The following SNW1 variants were observed in gnomAD, a reference collection of about 807,000 sequenced individuals.
SNW1 encodes the protein SNW domain-containing protein 1.
A neutral mutation model predicts 75.6 loss-of-function variants in SNW1; 9 were observed. That is an observed-to-expected ratio of 0.12 (90% CI 0.07 to 0.21). The LOEUF (loss-of-function observed/expected upper bound fraction) is 0.21. SNW1 is among the 10% of genes least tolerant of loss of function. SNW1 has a pLI of 1.00. For missense variants in SNW1, 409 were observed against 670.9 expected, an observed-to-expected ratio of 0.61 and a Z score of 4.31; for synonymous variants, 200 against 219.1, an observed-to-expected ratio of 0.91 and a Z score of 0.77.
At chr14:77,722,852 T>TC (rs2080553510) in intron 11 of SNW1, 1 of 416,154 alleles carries the variant, frequency 2.4e-6, no homozygotes, top group Non-Finnish European at 4.6e-6. Flanking sequence ...TTTTTTTTTT[T>TC]TTTTTTTTGT....
intron 10 of SNW1, among the ~76,000 whole-genome samples, chr14:77,725,399 T>C (rs563995704): frequency 6.6e-6 from 1 of 152,352 alleles, no homozygotes; most frequent in East Asian, 1.9e-4. Flanking sequence ...AAAAAATCTT[T>C]GTCCAGACCA....
intron 11 of SNW1, among the ~76,000 whole-genome samples, chr14:77,721,383 G>A (rs2080539542): frequency 6.6e-6 from 1 of 152,086 alleles, no homozygotes; most frequent in African/African-American, 2.4e-5. Flanking sequence ...ATGAAACCAT[G>A]GTAACTGTCA....
intron 1 of SNW1, 82 bp from the exon 2 acceptor site, chr14:77,755,202 A>AT: frequency 8.0e-7 from 1 of 1,250,208 alleles, no homozygotes; most frequent in South Asian, 1.4e-5. Context: ...CACAGAGACA[A>AT]TTTTTCCTAC....
chr14:77,748,914 CAATAT>C (rs1333027142), intron 3 of SNW1, among the ~76,000 whole-genome samples: 1 of 151,914 alleles, frequency 6.6e-6, no homozygotes, highest in African/African-American at 2.4e-5. Context: ...TTAAAAAAAT[CAATAT>C]AATAGTAAGA....
At chr14:77,752,461 T>C (rs1049925586) in intron 2 of SNW1, among the ~76,000 whole-genome samples, 1 of 152,228 alleles carries the variant, frequency 6.6e-6, no homozygotes, top group African/African-American at 2.4e-5. Flanking sequence ...TAGTATTTGC[T>C]TAGTACACTT....
intron 3 of SNW1, among the ~76,000 whole-genome samples, chr14:77,750,471 T>C (rs1421376761): frequency 6.6e-6 from 1 of 152,126 alleles, no homozygotes; most frequent in East Asian, 1.9e-4. Context: ...GATTGCATAA[T>C]TGTCTTCCCC....
At chr14:77,760,973 G>A in intron 1 of SNW1, 141 bp downstream of exon 1, 1 of 1,595,890 alleles carries the variant, frequency 6.3e-7, no homozygotes, top group South Asian at 1.1e-5. Flanking sequence ...GCGGCGGCCA[G>A]CGGGAGGGCG....
At chr14:77,736,064 A>G (rs986840530) in intron 6 of SNW1, 58 bp from the exon 7 acceptor site, 102 of 1,245,810 alleles carry the variant, frequency 8.2e-5, no homozygotes, top group Non-Finnish European at 1.1e-4. Flanking sequence ...TAGTCATCAT[A>G]TCAAGTCTCT....
At chr14:77,718,663 GTC>G in intron 12 of SNW1, 133 bp from the exon 13 acceptor site, 1 of 538,174 alleles carries the variant, frequency 1.9e-6, no homozygotes, top group East Asian at 3.0e-5. Flanking sequence ...AAATTAAAAA[GTC>G]TTCATTAAAA....
intron 8 of SNW1, among the ~76,000 whole-genome samples, chr14:77,733,552 C>CT (rs2080643884): frequency 6.6e-6 from 1 of 151,832 alleles, no homozygotes. Flanking sequence ...CAAGACCAGC[C>CT]TGGCAACATG....
rs2080504513 is a variant in SNW1 at position 77,718,120 on chromosome 14, C to T, written c.1579G>A (p.Glu527Lys). The T allele has an allele frequency of 1.9e-6, 3 of 1,602,316 alleles. No homozygotes were observed. The highest frequency in any genetic ancestry group is 1.7e-6 in the Non-Finnish European group (2 of 1,174,822). Residue 527 changes from glutamate (E) to lysine (K), a missense_variant, in exon 14 of 14, where the codon GAG becomes AAG. This residue lies in a region of SNW1 where 24 missense variants were observed against 31.0 expected (regional missense o/e 0.77). Transcript: ENST00000261531. ...PSDSSRPKEHEHEGKKRRKE is the reference protein window; with the variant it reads ...PSDSSRPKEHKHEGKKRRKE Reference sequence around the variant, plus strand: ...TTCCTCCTCTTCTTGCCTTCATGCTCGTGTTCCTTGGGGCGGCTGCTATCT... The same window carrying T: ...TTCCTCCTCTTCTTGCCTTCATGCTTGTGTTCCTTGGGGCGGCTGCTATCT...
chr14:77,736,876 G>A, intron 6 of SNW1, 95 bp downstream of exon 6: 3 of 852,636 alleles, frequency 3.5e-6, no homozygotes, highest in Non-Finnish European at 4.0e-6. Context: ...CATACTGTAT[G>A]TACTTGTTTT....
chr14:77,758,255 T>G (rs2080857928), intron 1 of SNW1, among the ~76,000 whole-genome samples: 1 of 137,032 alleles, frequency 7.3e-6, no homozygotes, highest in Non-Finnish European at 1.5e-5. Flanking sequence ...GAGGTGGAGT[T>G]TGTAGTGAGC....
chr14:77,760,855 C>T, intron 1 of SNW1: 1 of 782,794 alleles, frequency 1.3e-6, no homozygotes, highest in Admixed American at 2.0e-5. Flanking sequence ...CGCGAAAAAC[C>T]CACTCTTCAG....
At chr14:77,751,567 TCCTTA>T in intron 2 of SNW1, 87 bp from the exon 3 acceptor site, 3 of 1,064,760 alleles carry the variant, frequency 2.8e-6, no homozygotes, top group Middle Eastern at 2.1e-4. Context: ...AATTGTTGAG[TCCTTA>T]GTATGCTAGA....
At chr14:77,747,887 C>T (rs1159122566) in intron 3 of SNW1, among the ~76,000 whole-genome samples, 1 of 151,828 alleles carries the variant, frequency 6.6e-6, no homozygotes, top group Admixed American at 6.6e-5. Flanking sequence ...CCCCTCTGCC[C>T]AGAGGCCACC....
At chr14:77,754,737 G>T (rs1327733332) in intron 2 of SNW1, among the ~76,000 whole-genome samples, 1 of 151,966 alleles carries the variant, frequency 6.6e-6, no homozygotes, top group African/African-American at 2.4e-5. Context: ...TTTGATATAG[G>T]AATAGACAAA....
intron 3 of SNW1, 120 bp from the exon 4 acceptor site, chr14:77,739,181 TTC>T (rs1360882085): frequency 2.8e-6 from 2 of 721,308 alleles, no homozygotes; most frequent in African/African-American, 1.8e-5. Flanking sequence ...CACTCAGATT[TTC>T]TCTTTTAGAT....
intron 3 of SNW1, among the ~76,000 whole-genome samples, chr14:77,748,583 T>C (rs2080782825): frequency 6.6e-6 from 1 of 152,058 alleles, no homozygotes; most frequent in Non-Finnish European, 1.5e-5. Flanking sequence ...ATATATTATT[T>C]GTATAACTTT....
Sources: gnomAD v4.1 joint callset for allele counts (sites outside exome capture counted in the v4.1 genomes callset) on GRCh38, gnomAD v4.1.1 for gene constraint, gnomAD v4.1.1 regional missense constraint, MANE v1.5 for transcripts, NCBI Gene and HGNC (gene_info 2026-07-23, HGNC 2026-07-21) for gene names.